The following TSC1 variants were observed in gnomAD, a reference collection of about 807,000 sequenced individuals.
The protein encoded by TSC1 is hamartin.
In TSC1, 20 loss-of-function variants were observed where a neutral mutation model predicts 124.3. The ratio of observed to expected loss-of-function variants is 0.16; its 90% confidence interval spans 0.11 to 0.23. TSC1 has a LOEUF of 0.23. Ranked by LOEUF, TSC1 falls within the 10% of genes least tolerant of loss-of-function variation. TSC1 has a pLI of 1.00. For synonymous variants in TSC1, 493 were observed against 539.1 expected (o/e 0.91, Z 1.19); for missense variants, 1,124 against 1,448.5 (o/e 0.78, Z 3.64).
In TSC1 at chr9:132,895,474, T is replaced by C. The variant is rs984525933; in HGVS notation, c.*761A>G. 4 of 233,578 alleles carry C rather than the reference T, an allele frequency of 1.7e-5. No individual in the cohort carries two copies. The highest frequency in any genetic ancestry group is 3.4e-5 in the Non-Finnish European group (4 of 118,188). The allele number at this position is 233,578 out of a possible 1,614,324, so 14.5% of individuals were successfully genotyped here. On this transcript the variant is annotated 3_prime_UTR_variant, in exon 23 of 23. Transcript: ENST00000298552. ...CCTACACACCAGCCTGTGGTCACAA[T>C]AGTACCAGCATTCAAGCAAACACCA...
At chr9:132,910,385 G>T (rs1845884881) in intron 12 of TSC1, 186 bp downstream of exon 12, 3 of 1,082,278 alleles carry the variant, frequency 2.8e-6, no homozygotes. Context: ...CAGAGTTTTG[G>T]AACCACCCAG....
rs1846673273 is a variant in TSC1 at position 132,923,387 on chromosome 9, T to C, written c.469A>G (p.Ile157Val). 1 of 1,614,066 alleles carries C rather than the reference T, an allele frequency of 6.2e-7. No homozygotes were observed. Among genetic ancestry groups the C allele is most frequent in the Non-Finnish European group, 8.5e-7 (1 of 1,179,998 alleles). Residue 157 changes from isoleucine to valine, a missense_variant, in exon 6 of 23, where the codon ATT (isoleucine) becomes GTT (valine). This residue lies in a region of TSC1 where 463 missense variants were observed against 606.8 expected (regional missense o/e 0.76). Transcript: ENST00000298552. This position sits in a 1 kb window ranked among gnomAD's most constrained non-coding sequence, Gnocchi z 4.2. ...CACCATGATGACAGACGGCCAAAAA[T>C]GTCAAAGAAATCAAGAAGATGCTGT... is the stretch of plus-strand genomic sequence containing the variant. ...GKQHLLDFFD[I>V]FGRLSSWCLK...
chr9:132,926,967 C>T (rs533714720), intron 4 of TSC1: 47 of 488,174 alleles, frequency 9.6e-5, no homozygotes, highest in Middle Eastern at 1.2e-3. Flanking sequence ...CCACCACACC[C>T]GGCCCAAACA....
chr9:132,937,916 A>C (rs1284084442), intron 1 of TSC1, among the ~76,000 whole-genome samples: 2 of 152,064 alleles, frequency 1.3e-5, no homozygotes, highest in African/African-American at 4.8e-5. Context: ...GGGTCTCCCT[A>C]AGTCGCCCAG....
At chr9:132,930,759 A>G (rs895210069) in intron 2 of TSC1, among the ~76,000 whole-genome samples, 1 of 152,296 alleles carries the variant, frequency 6.6e-6, no homozygotes, top group Admixed American at 6.5e-5. Flanking sequence ...GTAAGTTAGA[A>G]GTTCATTTAT....
chr9:132,937,517 T>C (rs1444520663), intron 1 of TSC1, among the ~76,000 whole-genome samples: 2 of 152,202 alleles, frequency 1.3e-5, no homozygotes, highest in African/African-American at 4.8e-5. Context: ...AAGCAGTTAG[T>C]CCAGTGAGTC....
At position 132,912,284 on chromosome 9, in the gene TSC1, T is replaced by C; in HGVS notation, c.911A>G (p.Tyr304Cys). The change falls in exon 9 of 23, where the codon TAT becomes TGT. Residue 304 changes from tyrosine to cysteine, a missense_variant and splice_region_variant. Tyr to Cys is a radical substitution (Grantham distance 194). Around this residue, in one of 5 missense-constraint regions of TSC1, gnomAD observed 463 missense variants for 606.8 expected, o/e 0.76. Transcript: ENST00000298552. ...TAAGTACCAAAGACACTTTTTACCA[T>C]AGCTATTCTGTGTGTCAGCATAAGG... The part of the protein sequence containing the change: ...TSPYADTQNS[Y>C]GCATSTPYST... The C allele has an allele frequency of 6.2e-7, 1 of 1,614,152 alleles. No homozygotes were observed. Among genetic ancestry groups the C allele is most frequent in the Non-Finnish European group, 8.5e-7 (1 of 1,179,984 alleles).
intron 8 of TSC1, among the ~76,000 whole-genome samples, chr9:132,918,513 A>G (rs1317186726): frequency 6.6e-6 from 1 of 152,178 alleles, no homozygotes; most frequent in Non-Finnish European, 1.5e-5. Flanking sequence ...ATTATTCTCT[A>G]TAGAGAATAA....
rs1034020229 is a variant in TSC1 at position 132,910,292 on chromosome 9, C to A, written c.1263+279G>T. On this transcript the variant is annotated intron_variant, in intron 12 of 22. Coordinates refer to ENST00000298552, the MANE Select transcript of TSC1 (RefSeq NM_000368.5). ...CTCCACCCTGGGCGACAGAGCAAGA[C>A]CCTGTCTCCAAAAAAAAAAAAAAAA... is the stretch of plus-strand genomic sequence containing the variant. The A allele has an allele frequency of 9.9e-6, 6 of 605,978 alleles. No homozygotes were observed. The East Asian group carries it at 1.1e-4, about 11-fold the overall frequency. The allele number at this position is 605,978 out of a possible 1,614,324, so 37.5% of individuals were successfully genotyped here. A position where few individuals can be genotyped will look rare whatever the true frequency, so the allele number is the denominator to read the frequency against.
Position 132,897,612 on chromosome 9 carries a change from T to TC in TSC1, c.2626-3_2626-2insG. 1 of 914,562 alleles carries TC rather than the reference T, an allele frequency of 1.1e-6. No individual in the cohort carries two copies. The highest frequency in any genetic ancestry group is 1.5e-6 in the Non-Finnish European group (1 of 685,794). 56.7% of individuals were successfully genotyped at this position (914,562 alleles called of 1,614,324 possible). ...GGCGGCTTTCATCATTTCTACTTCC[T>TC]GAAAAAAAAAAAAAAAAAAGACTGG... On this transcript the variant is annotated splice_region_variant and splice_polypyrimidine_tract_variant and intron_variant, in intron 20 of 22. Transcript: ENST00000298552.
chr9:132,903,821 A>G lies in TSC1; in HGVS notation c.2042-4T>C. The G allele has an allele frequency of 6.2e-7, 1 of 1,613,874 alleles. No individual in the cohort carries two copies. Among genetic ancestry groups the G allele is most frequent in the Non-Finnish European group, 8.5e-7 (1 of 1,180,030 alleles). On this transcript the variant is annotated splice_polypyrimidine_tract_variant and splice_region_variant and intron_variant, in intron 16 of 22. Transcript: ENST00000298552. This position sits in a 1 kb window ranked among gnomAD's most constrained non-coding sequence, Gnocchi z 5.9. ...ATCTCATCTGAAGGAGGAGAGCCTGATTGTAAAGCAGAGGGAGGGTGGCAG... is the reference window on the plus strand; with the variant it reads ...ATCTCATCTGAAGGAGGAGAGCCTGGTTGTAAAGCAGAGGGAGGGTGGCAG...
In TSC1 at chr9:132,893,902, A is replaced by T. The variant is rs1260665498; in HGVS notation, c.*2333T>A. 1 of 233,180 alleles carries T rather than the reference A, an allele frequency of 4.3e-6. No homozygotes were observed. Among genetic ancestry groups the T allele is most frequent in the Non-Finnish European group, 8.5e-6 (1 of 118,044 alleles). The allele number at this position is 233,180 out of a possible 1,614,324, so 14.4% of individuals were successfully genotyped here. On this transcript the variant is annotated 3_prime_UTR_variant, in exon 23 of 23. Coordinates refer to ENST00000298552, the MANE Select transcript of TSC1 (RefSeq NM_000368.5). ...CCTGTTGACTCTTGGCAGGTTTATC[A>T]TGTCCAAAACCAAACCAAACCTAAC...
chr9:132,916,894 T>G (rs1846294257), intron 8 of TSC1, among the ~76,000 whole-genome samples: 1 of 152,220 alleles, frequency 6.6e-6, no homozygotes, highest in Non-Finnish European at 1.5e-5. Flanking sequence ...CCCAGTCTCC[T>G]GGATTCGGTC....
chr9:132,899,395 A>G (rs1018151966), intron 20 of TSC1: 3 of 152,308 alleles, frequency 2.0e-5, no homozygotes, highest in African/African-American at 7.2e-5. Flanking sequence ...AGAAGAGTGG[A>G]AAGAGCCTGG....
Position 132,893,491 on chromosome 9 carries a change from C to T in TSC1, c.*2744G>A, listed in dbSNP as rs1844873207. ...GTGTGTTTATTCACCTGCAGGGACT[C>T]CGGAGCTCATTTGCTCTGCGTCTTC... On this transcript the variant is annotated 3_prime_UTR_variant, in exon 23 of 23. Coordinates refer to ENST00000298552, the MANE Select transcript of TSC1 (RefSeq NM_000368.5). The T allele has an allele frequency of 4.3e-6, 1 of 233,176 alleles. No individual in the cohort carries two copies. Among genetic ancestry groups the T allele is most frequent in the Non-Finnish European group, 8.5e-6 (1 of 118,070 alleles). 14.4% of individuals were successfully genotyped at this position (233,176 alleles called of 1,614,324 possible). A position where few individuals can be genotyped will look rare whatever the true frequency, so the allele number is the denominator to read the frequency against.
intron 4 of TSC1, chr9:132,926,188 C>T (rs1435284652): frequency 2.8e-5 from 6 of 212,774 alleles, no homozygotes; most frequent in South Asian, 1.5e-4. Context: ...ACGGGCCAGG[C>T]GCAGTGGCTC....
rs1588311152 is a variant in TSC1 at position 132,906,105 on chromosome 9, T to C, written c.1473A>G (p.Thr491=). 1 of 1,613,616 alleles carries C rather than the reference T, an allele frequency of 6.2e-7. No individual in the cohort carries two copies. The highest frequency in any genetic ancestry group is 2.2e-5 in the East Asian group (1 of 44,884). Residue 491 remains threonine (T), a synonymous_variant, in exon 15 of 23, where the codon ACA becomes ACG. Transcript: ENST00000298552. This position sits in a 1 kb window ranked among gnomAD's most constrained non-coding sequence, Gnocchi z 4.1. ...GAGGAACCACAGGCTCTGCCTCTGC[T>C]GTGGTGATCTCAGAAAGTTCTCTAG... ...AISRELSEIT[T]AEAEPVVPRG... is the part of the protein sequence containing the mutation.
chr9:132,935,304 A>C (rs1198925872), intron 1 of TSC1, among the ~76,000 whole-genome samples: 1 of 152,164 alleles, frequency 6.6e-6, no homozygotes, highest in Non-Finnish European at 1.5e-5. Flanking sequence ...AATTCTTTAT[A>C]TTGTGCTGAA....
chr9:132,892,375 G>T lies in TSC1; in HGVS notation c.*3860C>A. 4.3e-6 allele frequency: 1 copy of T among 233,376 alleles called. No homozygotes were observed. Among genetic ancestry groups the T allele is most frequent in the Non-Finnish European group, 8.5e-6 (1 of 118,088 alleles). 14.5% of individuals were successfully genotyped at this position (233,376 alleles called of 1,614,324 possible). Reference sequence around the variant, plus strand: ...CAGATACACAAACATCTTCAGACTGGATACATTTTTCCAATACTTGTTGCG... The same window carrying T: ...CAGATACACAAACATCTTCAGACTGTATACATTTTTCCAATACTTGTTGCG... On this transcript the variant is annotated 3_prime_UTR_variant, in exon 23 of 23. Transcript: ENST00000298552.
Sources: allele counts gnomAD v4.1 joint callset (sites outside exome capture counted in the v4.1 genomes callset), GRCh38; gene constraint gnomAD v4.1.1; regional missense constraint gnomAD v4.1.1; non-coding constraint Gnocchi (gnomAD v3.1); transcripts MANE v1.5; gene names NCBI Gene and HGNC (gene_info 2026-07-23, HGNC 2026-07-21).